The following ARNT2 variants were observed in gnomAD, a reference collection of about 807,000 sequenced individuals.
ARNT2 encodes the protein aryl hydrocarbon receptor nuclear translocator 2.
Under a neutral mutation model 91.7 loss-of-function variants are expected in ARNT2, and 36 were observed. The observed-to-expected ratio is 0.39, with a 90% CI of 0.30 to 0.52. The LOEUF is 0.52. Ranked by LOEUF, ARNT2 falls within the 20% of genes least tolerant of loss-of-function variation. The pLI is 0.72. For synonymous variants in ARNT2, 365 were observed against 347.1 expected (o/e 1.05, Z -0.57); for missense variants, 775 against 939.3 (o/e 0.83, Z 2.29).
intron 5 of ARNT2, among the ~76,000 whole-genome samples, chr15:80,503,483 T>A (rs1595988673): frequency 6.6e-6 from 1 of 152,312 alleles, no homozygotes; most frequent in South Asian, 2.1e-4. Context: ...CAACAGATCA[T>A]GGAAGTGTGT....
intron 5 of ARNT2, among the ~76,000 whole-genome samples, chr15:80,502,964 C>T (rs1897221392): frequency 6.6e-6 from 1 of 152,180 alleles, no homozygotes; most frequent in Non-Finnish European, 1.5e-5. Flanking sequence ...CAGAGTCCTT[C>T]AGACCCAGTG....
intron 1 of ARNT2, among the ~76,000 whole-genome samples, chr15:80,416,047 G>T (rs748002070): frequency 1.3e-5 from 2 of 152,090 alleles, no homozygotes; most frequent in African/African-American, 2.4e-5. Context: ...GCACACACTT[G>T]GTGCTTAAAA....
intron 12 of ARNT2, among the ~76,000 whole-genome samples, chr15:80,571,718 T>C (rs2141474482): frequency 1.3e-5 from 2 of 152,318 alleles, no homozygotes; most frequent in East Asian, 1.9e-4. Context: ...TGGTCATGGC[T>C]TCCTGTTGTT....
chr15:80,514,019 G>C, intron 7 of ARNT2, 43 bp downstream of exon 7: 1 of 1,561,252 alleles, frequency 6.4e-7, no homozygotes, highest in Non-Finnish European at 8.8e-7. Context: ...TGTTCTGGTA[G>C]ATAGTCTAAA....
chr15:80,522,760 C>CATATATATATATATATATATATATATAT (rs60138286), intron 8 of ARNT2, among the ~76,000 whole-genome samples: 3 of 144,476 alleles, frequency 2.1e-5, no homozygotes, highest in Admixed American at 1.4e-4. Context: ...TGTACATACA[C>CATATATATATATATATATATATATATAT]ATATATATAT....
intron 1 of ARNT2, among the ~76,000 whole-genome samples, chr15:80,410,359 G>C (rs555898546): frequency 7.2e-4 from 109 of 152,306 alleles, no homozygotes; most frequent in African/African-American, 2.5e-3. Context: ...CCAGCTTTCT[G>C]TCCAACACCT....
chr15:80,573,013 A>T lies in ARNT2; in HGVS notation c.1317-1135A>T, dbSNP rs550320186. Reference sequence around the variant, plus strand: ...CTTCCTTCCACTGAATAATTTCCTTACTACAGCTCAGCAGCAGGATGACCA... The same window carrying T: ...CTTCCTTCCACTGAATAATTTCCTTTCTACAGCTCAGCAGCAGGATGACCA... On this transcript the variant is annotated intron_variant, in intron 12 of 18. Transcript: ENST00000303329. Among the ~76,000 whole-genome samples, 7 of 152,328 alleles carry T rather than the reference A, an allele frequency of 4.6e-5. No homozygotes were observed. The East Asian group carries it at 1.3e-3, about 29-fold the overall frequency.
In ARNT2 at chr15:80,433,550, C is replaced by T. The variant is rs1052513317; in HGVS notation, c.32-17330C>T. Among the ~76,000 whole-genome samples the T allele has an allele frequency of 3.9e-5, 6 of 152,182 alleles. 1 individual carries two copies. The South Asian group carries it at 8.3e-4, about 21-fold the overall frequency. ...ATCCACCCACCACCTCCCCCCGCCT[C>T]GGCCTCCCAAAGTGCTGGAATTACA... On this transcript the variant is annotated intron_variant, in intron 1 of 18. Coordinates refer to ENST00000303329, the MANE Select transcript of ARNT2 (RefSeq NM_014862.4).
At chr15:80,483,501 C>G (rs1896921076) in intron 5 of ARNT2, among the ~76,000 whole-genome samples, 1 of 152,164 alleles carries the variant, frequency 6.6e-6, no homozygotes, top group Non-Finnish European at 1.5e-5. Context: ...TGCTTGCTAT[C>G]TAGGGCAGAG....
At chr15:80,500,085 A>G (rs2141417752) in intron 5 of ARNT2, among the ~76,000 whole-genome samples, 1 of 152,274 alleles carries the variant, frequency 6.6e-6, no homozygotes, top group East Asian at 1.9e-4. Flanking sequence ...TAGAAGGCCC[A>G]TTCTCTCCCA....
intron 2 of ARNT2, 32 bp downstream of exon 2, chr15:80,451,026 TTAA>T (rs750617133): frequency 1.9e-6 from 3 of 1,589,420 alleles, no homozygotes; most frequent in Admixed American, 3.4e-5. Flanking sequence ...AGGAATTGGC[TTAA>T]TAAATGTTGA....
chr15:80,549,157 G>A (rs999984540), intron 8 of ARNT2, among the ~76,000 whole-genome samples: 4 of 151,988 alleles, frequency 2.6e-5, no homozygotes, highest in Non-Finnish European at 4.4e-5. Context: ...ATGTTGATGG[G>A]GCAACTGGAT....
Position 80,405,100 on chromosome 15 carries a change from T to C in ARNT2, c.31+554T>C, listed in dbSNP as rs561883252. ...CTCCGGGGGCACAAAACACCCAGCC[T>C]GTGGTCACCAGCGTGGAGCAGCCCT... On this transcript the variant is annotated intron_variant, in intron 1 of 18. Transcript: ENST00000303329. Among the ~76,000 whole-genome samples the C allele has an allele frequency of 2.3e-3, 350 of 151,856 alleles. 1 individual carries two copies. Among genetic ancestry groups the C allele is most frequent in the Middle Eastern group, 0.02 (6 of 294 alleles).
intron 5 of ARNT2, among the ~76,000 whole-genome samples, chr15:80,507,056 A>G (rs897393766): frequency 2.0e-5 from 3 of 152,204 alleles, no homozygotes; most frequent in Non-Finnish European, 4.4e-5. Context: ...GGGGGCAGTG[A>G]GTGTGGACAG....
intron 1 of ARNT2, among the ~76,000 whole-genome samples, chr15:80,415,368 A>G (rs747946488): frequency 1.3e-5 from 2 of 152,260 alleles, no homozygotes; most frequent in Non-Finnish European, 2.9e-5. Flanking sequence ...GTGCAAACCC[A>G]GGCGTGGTTT....
chr15:80,566,233 T>TTTTTTTTTTTTTTTTTTTTTTTTTGAG (rs1898479076), intron 12 of ARNT2, among the ~76,000 whole-genome samples: 1 of 152,150 alleles, frequency 6.6e-6, no homozygotes, highest in African/African-American at 2.4e-5. Flanking sequence ...TTTGGTCTTC[T>TTTTTTTTTTTTTTTTTTTTTTTTTGAG]AAATGCCCTG....
intron 17 of ARNT2, among the ~76,000 whole-genome samples, chr15:80,582,654 G>C (rs1051829654): frequency 6.6e-6 from 1 of 152,130 alleles, no homozygotes; most frequent in Admixed American, 6.5e-5. Flanking sequence ...GGCCATGCTT[G>C]TCCCTCCAGC....
At chr15:80,541,252 T>C (rs1444415856) in intron 8 of ARNT2, among the ~76,000 whole-genome samples, 1 of 152,244 alleles carries the variant, frequency 6.6e-6, no homozygotes, top group East Asian at 1.9e-4. Context: ...TGTTGAGCAT[T>C]TTTTCATGTG....
intron 3 of ARNT2, among the ~76,000 whole-genome samples, chr15:80,469,756 A>C (rs1896707416): frequency 6.6e-6 from 1 of 152,152 alleles, no homozygotes; most frequent in South Asian, 2.1e-4. Context: ...CTGGGATTAC[A>C]GGCATGCGCT....
Sources: gnomAD v4.1 joint callset for allele counts (sites outside exome capture counted in the v4.1 genomes callset) on GRCh38, gnomAD v4.1.1 for gene constraint, MANE v1.5 for transcripts, NCBI Gene and HGNC (gene_info 2026-07-23, HGNC 2026-07-21) for gene names.